CNOT1: variants seen among roughly 807,000 people sequenced by gnomAD.
CNOT1 encodes the protein CCR4-associated factor 1.
In CNOT1, 15 loss-of-function variants were observed where a neutral mutation model predicts 273.8. That is an observed-to-expected ratio of 0.05 (90% confidence interval 0.04 to 0.08). The LOEUF (loss-of-function observed/expected upper bound fraction) is 0.08. CNOT1 is among the 10% of genes least tolerant of loss of function. The probability of loss-of-function intolerance (pLI) is 1.00; values close to 1 mark genes in which losing one functional copy is unlikely to be tolerated. For synonymous variants in CNOT1, 1,022 were observed against 1,005.5 expected, an observed-to-expected ratio of 1.02 and a Z score of -0.31; for missense variants, 1,644 against 2,912.2, an observed-to-expected ratio of 0.56 and a Z score of 10.02.
At chr16:58,528,732 C>A in intron 43 of CNOT1, 84 bp from the exon 44 acceptor site, 1 of 879,450 alleles carries the variant, frequency 1.1e-6, no homozygotes, top group Non-Finnish European at 1.7e-6. Context: ...CCCCCCACCC[C>A]CCTCAAAAGA....
rs541047510 is a variant in CNOT1, at chr16:58,536,560, T to C, written c.5646+429A>G. 3.9e-5 allele frequency among the ~76,000 whole-genome samples: 6 copies of C among 152,282 alleles called. No homozygotes were observed. In the South Asian group the frequency reaches 1.0e-3, roughly 26 times the overall value. On this transcript the variant is annotated intron_variant, in intron 39 of 48. Coordinates refer to ENST00000317147, the MANE Select transcript of CNOT1 (RefSeq NM_016284.5). The stretch of plus-strand genomic sequence containing the variant: ...AAAGGAACATGTCACTACGTTTAGG[T>C]AGATATTTAAATTAGAAAATACAAT...
chr16:58,585,208 T>G (rs1028004883), intron 8 of CNOT1, 130 bp downstream of exon 8: 1 of 1,347,980 alleles, frequency 7.4e-7, no homozygotes, highest in Non-Finnish European at 1.0e-6. Flanking sequence ...CGTGGAAGAT[T>G]AAAATTTAGA....
At chr16:58,580,049 A>T (rs2041601468) in intron 12 of CNOT1, among the ~76,000 whole-genome samples, 1 of 152,108 alleles carries the variant, frequency 6.6e-6, no homozygotes, top group Non-Finnish European at 1.5e-5. Context: ...ATCTCTACTA[A>T]AAATATAAAA....
chr16:58,587,293 T>C (rs370769549), intron 5 of CNOT1, 38 bp from the exon 6 acceptor site: 3 of 1,613,640 alleles, frequency 1.9e-6, no homozygotes, highest in African/African-American at 1.3e-5. Flanking sequence ...AAGAGTCAAA[T>C]GGCTGTTTTT....
intron 29 of CNOT1, 52 bp from the exon 30 acceptor site, chr16:58,545,543 T>C (rs1397704987): frequency 6.2e-7 from 1 of 1,606,182 alleles, no homozygotes; most frequent in Non-Finnish European, 8.5e-7. Flanking sequence ...GTTGACTTTA[T>C]TATAAAATTA....
At chr16:58,568,263 G>A (rs1051206435) in intron 16 of CNOT1, among the ~76,000 whole-genome samples, 1 of 152,056 alleles carries the variant, frequency 6.6e-6, no homozygotes, top group Non-Finnish European at 1.5e-5. Context: ...AGCTACTCGG[G>A]AGGCTGAGGC....
chr16:58,606,380 C>A (rs964203018), intron 1 of CNOT1, among the ~76,000 whole-genome samples: 2 of 87,806 alleles, frequency 2.3e-5, no homozygotes, highest in African/African-American at 1.2e-4. Context: ...TACAGTGAGA[C>A]CCCGTCCCTT....
At chr16:58,576,612 A>G (rs766624604) in intron 13 of CNOT1, 30 bp from the exon 14 acceptor site, 2 of 1,613,508 alleles carry the variant, frequency 1.2e-6, no homozygotes, top group Non-Finnish European at 1.7e-6. Flanking sequence ...TTAAATAGCA[A>G]TACTGCTAAA....
In CNOT1 at chr16:58,575,433, A is replaced by G. The variant is rs189295717; in HGVS notation, c.1705-304T>C. ...AAAGCATGAATAATTATCCCTACCC[A>G]TTTTTCAAAATCTAAACACAGGCTT... is the stretch of plus-strand genomic sequence containing the variant. On this transcript the variant is annotated intron_variant, in intron 14 of 48. Coordinates refer to ENST00000317147, the MANE Select transcript of CNOT1 (RefSeq NM_016284.5). Among the ~76,000 whole-genome samples the G allele has an allele frequency of 5.9e-5, 9 of 152,176 alleles. No homozygotes were observed. In the East Asian group the frequency reaches 1.5e-3, roughly 26 times the overall value.
chr16:58,571,116 CA>C (rs1463286688), intron 16 of CNOT1, among the ~76,000 whole-genome samples: 1 of 132,450 alleles, frequency 7.6e-6, no homozygotes, highest in Non-Finnish European at 1.6e-5. Flanking sequence ...CAAAACAAAA[CA>C]AAAAACAAAA....
intron 16 of CNOT1, among the ~76,000 whole-genome samples, chr16:58,564,576 G>A (rs2040974078): frequency 6.6e-6 from 1 of 152,102 alleles, no homozygotes; most frequent in African/African-American, 2.4e-5. Flanking sequence ...AAAGTAGGAA[G>A]AAAAATAAAA....
chr16:58,575,498 A>G (rs75067919), intron 14 of CNOT1, among the ~76,000 whole-genome samples: 19 of 152,268 alleles, frequency 1.2e-4, no homozygotes, highest in African/African-American at 4.1e-4. Flanking sequence ...GCACCTAGTG[A>G]TTAATAATAT....
chr16:58,522,297 G>A (rs375489459), intron 47 of CNOT1, among the ~76,000 whole-genome samples: 4 of 144,486 alleles, frequency 2.8e-5, no homozygotes, highest in East Asian at 4.0e-4. Flanking sequence ...ATGTAAATTG[G>A]TAAAATTTTT....
At chr16:58,521,937 T>A (rs1671447242) in intron 47 of CNOT1, among the ~76,000 whole-genome samples, 1 of 151,762 alleles carries the variant, frequency 6.6e-6, no homozygotes, top group Non-Finnish European at 1.5e-5. Context: ...GGAGACAGAG[T>A]GAGACCCTGT....
At chr16:58,556,393 A>AT (rs373195163) in intron 19 of CNOT1, among the ~76,000 whole-genome samples, 3 of 152,340 alleles carry the variant, frequency 2.0e-5, no homozygotes, top group African/African-American at 7.2e-5. Context: ...TGCAGTCCCA[A>AT]TGACAAGGAC....
At chr16:58,533,440 TC>T (rs1291321690) in intron 40 of CNOT1, among the ~76,000 whole-genome samples, 1 of 152,056 alleles carries the variant, frequency 6.6e-6, no homozygotes, top group Non-Finnish European at 1.5e-5. Flanking sequence ...AGCGAGACCA[TC>T]CTGGCTAACA....
Position 58,585,228 on chromosome 16 carries a change from C to T in CNOT1, c.806+110G>A, listed in dbSNP as rs1001842757. The T allele has an allele frequency of 5.4e-6, 8 of 1,495,230 alleles. No homozygotes were observed. The African/African-American group carries it at 9.9e-5, about 19-fold the overall frequency. The allele number at this position is 1,495,230 out of a possible 1,614,324, so 92.6% of individuals were successfully genotyped here. ...AAGATTAAAATTTAGAAGCATGCCT[C>T]TTGAGAAGAAAAGATGATTAACTTT... On this transcript the variant is annotated intron_variant, in intron 8 of 48. Transcript: ENST00000317147.
At chr16:58,618,332 C>T (rs915070818) in intron 1 of CNOT1, among the ~76,000 whole-genome samples, 2 of 151,928 alleles carry the variant, frequency 1.3e-5, no homozygotes, top group Non-Finnish European at 2.9e-5. Flanking sequence ...ACCTGTAATC[C>T]CAGTACTTTG....
At chr16:58,534,465 T>G (rs1408862427) in intron 39 of CNOT1, 70 bp from the exon 40 acceptor site, 3 of 1,521,424 alleles carry the variant, frequency 2.0e-6, no homozygotes, top group Non-Finnish European at 2.7e-6. Flanking sequence ...TACCTTTAAT[T>G]TTCAGGCTTA....
Sources: allele counts gnomAD v4.1 joint callset (sites outside exome capture counted in the v4.1 genomes callset), GRCh38; gene constraint gnomAD v4.1.1; transcripts MANE v1.5; gene names NCBI Gene and HGNC (gene_info 2026-07-23, HGNC 2026-07-21).